SCN10A: variants seen among roughly 807,000 people sequenced by gnomAD.
SCN10A encodes the protein sodium voltage-gated channel alpha subunit 10.
Under a neutral mutation model 170.7 loss-of-function variants are expected in SCN10A, and 162 were observed. That is an observed-to-expected ratio of 0.95 (90% CI 0.84 to 1.08). The LOEUF (loss-of-function observed/expected upper bound fraction) is 1.08, where lower values mean the gene tolerates loss of function less well. Among genes scored for constraint, SCN10A ranks in the 50% least tolerant of loss-of-function variants. The pLI, the probability that SCN10A is intolerant of heterozygous loss-of-function variation, is 0.00. For synonymous variants in SCN10A, 985 were observed against 904.6 expected (o/e 1.09, Z -1.59); for missense variants, 2,527 against 2,436.9 (o/e 1.04, Z -0.78).
chr3:38,741,615 T>C (rs79637588), intron 14 of SCN10A, among the ~76,000 whole-genome samples: 4,137 of 152,324 alleles, frequency 0.027, 182 homozygotes, highest in African/African-American at 0.093. Flanking sequence ...CTGAGTCAGA[T>C]ACTTTATCCA....
intron 15 of SCN10A, among the ~76,000 whole-genome samples, chr3:38,735,436 A>G (rs2063551120): frequency 6.6e-6 from 1 of 152,228 alleles, no homozygotes; most frequent in Non-Finnish European, 1.5e-5. Context: ...AGACTGGTAT[A>G]CAGCGTATAC....
In SCN10A at chr3:38,709,586, G is replaced by T. The variant is rs374352107; in HGVS notation, c.4173C>A (p.Asn1391Lys). 1.2e-6 allele frequency: 2 copies of T among 1,609,174 alleles called. No homozygotes were observed. Among genetic ancestry groups the T allele is most frequent in the Non-Finnish European group, 1.7e-6 (2 of 1,177,794 alleles). ...EVNMQPKWEDNVYMYLYFVIF... is the reference protein window; with the variant it reads ...EVNMQPKWEDKVYMYLYFVIF... Reference sequence around the variant, plus strand: ...TGACAAAGTACAAATACATGTACACGTTGTCCTCCCACTTGGGTTGCATGT... The same window carrying T: ...TGACAAAGTACAAATACATGTACACTTTGTCCTCCCACTTGGGTTGCATGT... The change falls in exon 25 of 28, where the codon AAC (asparagine) becomes AAA (lysine). Residue 1391 changes from asparagine (N) to lysine (K), a missense_variant. By Grantham distance (94) the Asn-to-Lys change is moderately conservative (BLOSUM62 0). Transcript: ENST00000449082.
intron 1 of SCN10A, among the ~76,000 whole-genome samples, chr3:38,812,072 T>C (rs2064444725): frequency 6.6e-6 from 1 of 152,214 alleles, no homozygotes; most frequent in African/African-American, 2.4e-5. Flanking sequence ...AGTGCTGCTG[T>C]CCCATGCTTA....
At chr3:38,706,504 A>T (rs1451937696) in intron 26 of SCN10A, among the ~76,000 whole-genome samples, 2 of 152,206 alleles carry the variant, frequency 1.3e-5, no homozygotes, top group African/African-American at 4.8e-5. Flanking sequence ...TTTGAAGACG[A>T]TCAACAATAA....
chr3:38,723,289 G>A, intron 19 of SCN10A, 141 bp downstream of exon 19: 1 of 976,940 alleles, frequency 1.0e-6, no homozygotes. Flanking sequence ...TGTGTCTGAT[G>A]CGGGCGCCCT....
chr3:38,772,739 A>C (rs866652131), intron 4 of SCN10A, among the ~76,000 whole-genome samples: 5,157 of 141,852 alleles, frequency 0.036, 213 homozygotes, highest in African/African-American at 0.11. Context: ...ACAAAAACAA[A>C]AAAAAAAAAA....
chr3:38,784,183 T>C (rs2064171192), intron 4 of SCN10A, among the ~76,000 whole-genome samples: 1 of 152,136 alleles, frequency 6.6e-6, no homozygotes, highest in Admixed American at 6.6e-5. Context: ...TTTTTTCCTG[T>C]ATAGTTAGTG....
At chr3:38,812,113 C>T (rs934674736) in intron 1 of SCN10A, among the ~76,000 whole-genome samples, 1 of 152,186 alleles carries the variant, frequency 6.6e-6, no homozygotes, top group African/African-American at 2.4e-5. Flanking sequence ...GCAGCCAGCG[C>T]TTTTAAAAAA....
intron 15 of SCN10A, among the ~76,000 whole-genome samples, chr3:38,731,267 A>C (rs1407802629): frequency 6.6e-6 from 1 of 152,232 alleles, no homozygotes; most frequent in African/African-American, 2.4e-5. Flanking sequence ...GACACGGGCA[A>C]ACTGAAGAGC....
chr3:38,710,714 G>T, intron 24 of SCN10A, 130 bp downstream of exon 24: 1 of 814,760 alleles, frequency 1.2e-6, no homozygotes, highest in Non-Finnish European at 2.0e-6. Flanking sequence ...CTGCAAGGAG[G>T]GACAGTGTGA....
chr3:38,723,993 C>A (rs1182827900), intron 18 of SCN10A, among the ~76,000 whole-genome samples: 1 of 152,170 alleles, frequency 6.6e-6, no homozygotes, highest in Non-Finnish European at 1.5e-5. Context: ...GCCCCTCCTG[C>A]CTAGCCGGGG....
chr3:38,745,637 C>T (rs986336749), intron 13 of SCN10A, among the ~76,000 whole-genome samples: 3 of 152,078 alleles, frequency 2.0e-5, no homozygotes, highest in Non-Finnish European at 4.4e-5. Flanking sequence ...GCTCTTTAAG[C>T]CCCTTCAATA....
At chr3:38,724,440 A>C (rs2063430668) in intron 18 of SCN10A, among the ~76,000 whole-genome samples, 1 of 152,246 alleles carries the variant, frequency 6.6e-6, no homozygotes, top group Non-Finnish European at 1.5e-5. Flanking sequence ...CTTTCCCTAT[A>C]GCTTGTTTCC....
At chr3:38,704,720 G>A (rs1049084039) in intron 26 of SCN10A, among the ~76,000 whole-genome samples, 1 of 152,192 alleles carries the variant, frequency 6.6e-6, no homozygotes, top group Non-Finnish European at 1.5e-5. Context: ...TAGAGCCTGA[G>A]CATCATCAGA....
At position 38,704,344 on chromosome 3, in the gene SCN10A, A is replaced by G. The variant is rs558826084; in HGVS notation, c.4387-2235T>C. Among the ~76,000 whole-genome samples the G allele has an allele frequency of 7.2e-5, 11 of 152,322 alleles. No individual in the cohort carries two copies. The East Asian group carries it at 1.9e-3, about 27-fold the overall frequency. On this transcript the variant is annotated intron_variant, in intron 26 of 27. Coordinates refer to ENST00000449082, the MANE Select transcript of SCN10A (RefSeq NM_006514.4). ...CTAATCCCTTCCATTTCATCACTGA[A>G]AATGGTGAAAAAATACAGGCCCATT...
In SCN10A at chr3:38,793,855, C is replaced by A. The variant is rs756746876; in HGVS notation, c.156G>T (p.Arg52=). Residue 52 remains arginine (R), a synonymous_variant, in exon 2 of 28, where the codon CGG becomes CGT. Coordinates refer to ENST00000449082, the MANE Select transcript of SCN10A (RefSeq NM_006514.4). ...TGCAGGCTTTCAAGTCCAGCTGGGGCCGAGGCTTCTCTTCTTGGTCCTTCT... is the reference window on the plus strand; with the variant it reads ...TGCAGGCTTTCAAGTCCAGCTGGGGACGAGGCTTCTCTTCTTGGTCCTTCT... The part of the protein sequence containing the change: ...REQKDQEEKP[R]PQLDLKACNQ... 1 of 1,614,068 alleles carries A rather than the reference C, an allele frequency of 6.2e-7. No individual in the cohort carries two copies. Among genetic ancestry groups the A allele is most frequent in the Admixed American group, 1.7e-5 (1 of 60,010 alleles).
At chr3:38,741,368 G>C (rs962951737) in intron 14 of SCN10A, among the ~76,000 whole-genome samples, 8 of 152,122 alleles carry the variant, frequency 5.3e-5, no homozygotes, top group African/African-American at 1.7e-4. Context: ...AGAAAAGCGG[G>C]CTTGGCAGCC....
chr3:38,805,962 T>A (rs920363980), intron 1 of SCN10A, among the ~76,000 whole-genome samples: 5 of 152,140 alleles, frequency 3.3e-5, no homozygotes, highest in East Asian at 3.9e-4. Flanking sequence ...TATCCATGGT[T>A]CTGAAATAGC....
rs867581115 is a variant in SCN10A, at chr3:38,781,658, T to C, written c.470+7298A>G. Reference sequence around the variant, plus strand: ...AGTTCATTGAATCCCAAAGCATGGATTTTTATGCTACAGGAATAAACAAAC... The same window carrying C: ...AGTTCATTGAATCCCAAAGCATGGACTTTTATGCTACAGGAATAAACAAAC... On this transcript the variant is annotated intron_variant, in intron 4 of 27. Transcript: ENST00000449082. Among the ~76,000 whole-genome samples, 13 of 152,244 alleles carry C rather than the reference T, an allele frequency of 8.5e-5. No homozygotes were observed. In the East Asian group the frequency reaches 9.7e-4, roughly 11 times the overall value.
Sources: allele counts gnomAD v4.1 joint callset (sites outside exome capture counted in the v4.1 genomes callset), GRCh38; gene constraint gnomAD v4.1.1; transcripts MANE v1.5; gene names NCBI Gene and HGNC (gene_info 2026-07-23, HGNC 2026-07-21).